VCAN: variants seen among roughly 807,000 people sequenced by gnomAD.
VCAN encodes versican core protein.
Under a neutral mutation model 245.5 loss-of-function variants are expected in VCAN, and 44 were observed. The observed-to-expected ratio is 0.18, with a 90% CI of 0.14 to 0.23. VCAN has a LOEUF of 0.23. VCAN is among the 10% of genes least tolerant of loss of function. VCAN has a pLI of 1.00. For synonymous variants in VCAN, 1,413 were observed against 1,437.0 expected (o/e 0.98, Z 0.38); for missense variants, 3,793 against 4,057.9 (o/e 0.93, Z 1.77).
At chr5:83,473,463 T>C (rs1744270500) in intron 1 of VCAN, among the ~76,000 whole-genome samples, 1 of 152,122 alleles carries the variant, frequency 6.6e-6, no homozygotes. Context: ...CTCATCTTTG[T>C]GTCTCCCTCT....
rs550266760 is a variant in VCAN, at chr5:83,545,706, G to A, written c.9379+56G>A. 4 of 1,282,748 alleles carry A rather than the reference G, an allele frequency of 3.1e-6. No homozygotes were observed. The East Asian group carries it at 6.9e-5, about 22-fold the overall frequency. The allele number at this position is 1,282,748 out of a possible 1,614,324, so 79.5% of individuals were successfully genotyped here. ...TTCTTTCACAGAAGATATATTGGGG[G>A]AGAATTTATGTTGTCGAATCAATCA... On this transcript the variant is annotated intron_variant, in intron 9 of 14. Coordinates refer to ENST00000265077, the MANE Select transcript of VCAN (RefSeq NM_004385.5).
chr5:83,490,907 T>G (rs1183967751), intron 3 of VCAN, among the ~76,000 whole-genome samples: 1 of 152,196 alleles, frequency 6.6e-6, no homozygotes, highest in African/African-American at 2.4e-5. Flanking sequence ...CCCTTTTTTC[T>G]CTCTTAATAT....
rs375632358 is a variant in VCAN at position 83,474,733 on chromosome 5, A to T, written c.-7+2710A>T. Among the ~76,000 whole-genome samples the T allele has an allele frequency of 4.9e-3, 747 of 152,320 alleles. 13 individuals carry two copies. The highest frequency in any genetic ancestry group is 0.017 in the African/African-American group (716 of 41,574). Reference sequence around the variant, plus strand: ...GGGCGGGGCGGGGAAGGCAGGGCCCAGCTTAACCGAGAGAGCCGAGTGGCC... The same window carrying T: ...GGGCGGGGCGGGGAAGGCAGGGCCCTGCTTAACCGAGAGAGCCGAGTGGCC... On this transcript the variant is annotated intron_variant, in intron 1 of 14. Transcript: ENST00000265077.
Position 83,542,221 on chromosome 5 carries a change from T to C in VCAN, c.9218T>C (p.Ile3073Thr), listed in dbSNP as rs200780028. 34 of 1,614,024 alleles carry C rather than the reference T, an allele frequency of 2.1e-5. No individual in the cohort carries two copies. The highest frequency in any genetic ancestry group is 2.8e-5 in the Non-Finnish European group (33 of 1,179,958). The change falls in exon 8 of 15, where the codon ATT becomes ACT. Residue 3073 changes from isoleucine (I) to threonine (T), a missense_variant. Ile to Thr is a moderately conservative substitution (Grantham distance 89). Coordinates refer to ENST00000265077, the MANE Select transcript of VCAN (RefSeq NM_004385.5). ...ACTTCTAATGAAACAGATTTCCTGA[T>C]TGGCATTAATGAAGAGTCAGTGGAA... ...LETSNETDFLIGINEESVEGT... is the reference protein window; with the variant it reads ...LETSNETDFLTGINEESVEGT...
chr5:83,545,656 A>T lies in VCAN; in HGVS notation c.9379+6A>T, dbSNP rs752434456. 5 of 1,609,274 alleles carry T rather than the reference A, an allele frequency of 3.1e-6. No homozygotes were observed. The Admixed American group carries it at 8.3e-5, about 27-fold the overall frequency. On this transcript the variant is annotated splice_donor_region_variant and intron_variant, in intron 9 of 14. Transcript: ENST00000265077. ...CGGAGACCAGTGTGAACTTGGTAAG[A>T]TGGTACTTGGCTGAAAAGGTGCAGT...
intron 7 of VCAN, among the ~76,000 whole-genome samples, chr5:83,524,811 T>C (rs1746231253): frequency 6.6e-6 from 1 of 152,174 alleles, no homozygotes; most frequent in Admixed American, 6.5e-5. Flanking sequence ...GGTGTATACC[T>C]TAATAAGGAA....
intron 1 of VCAN, among the ~76,000 whole-genome samples, chr5:83,483,019 G>A (rs547565814): frequency 4.6e-5 from 7 of 152,278 alleles, no homozygotes; most frequent in African/African-American, 1.7e-4. Flanking sequence ...CCACCAATTG[G>A]TTCCTTCTCA....
intron 12 of VCAN, among the ~76,000 whole-genome samples, chr5:83,562,673 A>G (rs1179298962): frequency 6.7e-6 from 1 of 149,430 alleles, no homozygotes; most frequent in Non-Finnish European, 1.5e-5. Context: ...AAAAAAAAAA[A>G]TATATTGAAT....
At position 83,519,616 on chromosome 5, in the gene VCAN, A is replaced by T. The variant is rs1395126340; in HGVS notation, c.1310A>T (p.Asp437Val). 6.2e-7 allele frequency: 1 copy of T among 1,614,062 alleles called. No homozygotes were observed. Among genetic ancestry groups the T allele is most frequent in the African/African-American group, 1.3e-5 (1 of 74,942 alleles). The change falls in exon 7 of 15, where the codon GAT becomes GTT. Residue 437 changes from aspartate (D) to valine (V), a missense_variant. Coordinates refer to ENST00000265077, the MANE Select transcript of VCAN (RefSeq NM_004385.5). ...AGTACCAAGAAGCCCTGGGATATGG[A>T]TGACTACTCACCTTCTGCTTCAGGA... Reference protein sequence around the residue: ...TGSTKKPWDMDDYSPSASGPL... With the variant: ...TGSTKKPWDMVDYSPSASGPL...
intron 12 of VCAN, among the ~76,000 whole-genome samples, chr5:83,571,681 G>A (rs1022184568): frequency 2.6e-5 from 4 of 152,024 alleles, no homozygotes; most frequent in Non-Finnish European, 4.4e-5. Flanking sequence ...TTTTGAAGGT[G>A]TATTTTTTAT....
Position 83,538,487 on chromosome 5 carries a change from T to C in VCAN, c.5484T>C (p.Pro1828=), listed in dbSNP as rs1399747205. The C allele has an allele frequency of 6.2e-7, 1 of 1,614,054 alleles. No individual in the cohort carries two copies. Among genetic ancestry groups the C allele is most frequent in the South Asian group, 1.1e-5 (1 of 91,080 alleles). Residue 1828 remains proline, a synonymous_variant, in exon 8 of 15, where the codon CCT becomes CCC. Transcript: ENST00000265077. Reference sequence around the variant, plus strand: ...GGCTGACCACTCTCCCACGTAGTCCTGCCTCTGTCTTTATGGAGCAGGGCT... The same window carrying C: ...GGCTGACCACTCTCCCACGTAGTCCCGCCTCTGTCTTTATGGAGCAGGGCT... The part of the protein sequence containing the change: ...QEGLTTLPRS[P]ASVFMEQGSG...
intron 13 of VCAN, among the ~76,000 whole-genome samples, chr5:83,576,176 A>T (rs1197481694): frequency 1.3e-5 from 2 of 151,672 alleles, no homozygotes; most frequent in African/African-American, 4.9e-5. Context: ...TCTCAATCCT[A>T]TCTATTTACT....
rs188069371 is a variant in VCAN, at chr5:83,526,042, C to T, written c.4003+3733C>T. ...GCAATCTCTGCCTCCTGGGTTCAAGCGATTCTCCTGCCTCAGCCTCCCGAG... is the reference window on the plus strand; with the variant it reads ...GCAATCTCTGCCTCCTGGGTTCAAGTGATTCTCCTGCCTCAGCCTCCCGAG... On this transcript the variant is annotated intron_variant, in intron 7 of 14. Transcript: ENST00000265077. Among the ~76,000 whole-genome samples, 879 of 151,916 alleles carry T rather than the reference C, an allele frequency of 5.8e-3. 2 individuals carry two copies. The highest frequency in any genetic ancestry group is 9.1e-3 in the Non-Finnish European group (620 of 67,960).
intron 6 of VCAN, 72 bp downstream of exon 6, chr5:83,512,468 C>T (rs751965980): frequency 3.9e-6 from 6 of 1,539,150 alleles, no homozygotes; most frequent in South Asian, 1.2e-5. Context: ...TGATGTTCAA[C>T]TAGCCGTTGG....
Position 83,580,108 on chromosome 5 carries a change from A to C in VCAN, c.10009A>C (p.Ile3337Leu). The C allele has an allele frequency of 1.9e-6, 3 of 1,614,068 alleles. No homozygotes were observed. The highest frequency in any genetic ancestry group is 2.2e-5 in the South Asian group (2 of 91,072). The change falls in exon 14 of 15, where the codon ATC becomes CTC. Residue 3337 changes from isoleucine to leucine, a missense_variant. Physicochemically the swap from Ile to Leu is conservative, Grantham distance 5 (BLOSUM62 2). Transcript: ENST00000265077. Reference protein sequence around the residue: ...DGFIQRHLPTIRCLGNGRWAI... With the variant: ...DGFIQRHLPTLRCLGNGRWAI... ...TTTCATTCAACGTCACCTTCCAACT[A>C]TCCGGTGCTTAGGAAATGGAAGATG...
At chr5:83,483,018 G>T (rs897498008) in intron 1 of VCAN, among the ~76,000 whole-genome samples, 2 of 152,174 alleles carry the variant, frequency 1.3e-5, no homozygotes, top group East Asian at 1.9e-4. Context: ...ACCACCAATT[G>T]GTTCCTTCTC....
chr5:83,538,755 G>A lies in VCAN; in HGVS notation c.5752G>A (p.Gly1918Arg). The stretch of plus-strand genomic sequence containing the variant: ...AGAGCGATTAGGAGAACCAAATTAT[G>A]GGGCAGAAATAAGGGGCTTTTCCAC... ...ISERLGEPNY[G>R]AEIRGFSTGF... The change falls in exon 8 of 15, where the codon GGG (glycine) becomes AGG (arginine). Residue 1918 changes from glycine to arginine, a missense_variant. Gly to Arg is a moderately radical substitution (Grantham distance 125). Around this residue, in one of 5 missense-constraint regions of VCAN, gnomAD observed 3,182 missense variants for 3,250.3 expected, o/e 0.98. Coordinates refer to ENST00000265077, the MANE Select transcript of VCAN (RefSeq NM_004385.5). 4 of 1,613,978 alleles carry A rather than the reference G, an allele frequency of 2.5e-6. No individual in the cohort carries two copies. The highest frequency in any genetic ancestry group is 3.4e-6 in the Non-Finnish European group (4 of 1,179,964).
Position 83,521,656 on chromosome 5 carries a change from A to G in VCAN, c.3350A>G (p.Asp1117Gly), listed in dbSNP as rs769245926. 3.1e-6 allele frequency: 5 copies of G among 1,613,800 alleles called. No homozygotes were observed. In the African/African-American group the frequency reaches 6.7e-5, roughly 22 times the overall value. The change falls in exon 7 of 15, where the codon GAT becomes GGT. Residue 1117 changes from aspartate to glycine, a missense_variant. Physicochemically the swap from Asp to Gly is moderately conservative, Grantham distance 94. Transcript: ENST00000265077. The part of the protein sequence containing the change: ...GAVTEHKVKT[D>G]EVVTLTPRIG... The stretch of plus-strand genomic sequence containing the variant: ...GTAACTGAGCACAAAGTGAAAACAG[A>G]TGAAGTGGTAACACTAACACCACGC...
intron 5 of VCAN, among the ~76,000 whole-genome samples, chr5:83,501,529 C>T (rs1745330388): frequency 6.6e-6 from 1 of 152,104 alleles, no homozygotes; most frequent in Non-Finnish European, 1.5e-5. Context: ...GGTCCCAGCA[C>T]CATTTGTTGA....
Sources: gnomAD v4.1 joint callset for allele counts (sites outside exome capture counted in the v4.1 genomes callset) on GRCh38, gnomAD v4.1.1 for gene constraint, gnomAD v4.1.1 regional missense constraint, MANE v1.5 for transcripts, NCBI Gene and HGNC (gene_info 2026-07-23, HGNC 2026-07-21) for gene names.